RIN2: variants seen among roughly 807,000 people sequenced by gnomAD.
The protein encoded by RIN2 is RAB5 interacting protein 2.
Under a neutral mutation model 78.0 loss-of-function variants are expected in RIN2, and 36 were observed. The observed-to-expected ratio is 0.46, with a 90% CI of 0.35 to 0.61. The LOEUF is 0.61. RIN2 is among the 20% of genes least tolerant of loss of function. The pLI is 0.00. For synonymous variants in RIN2, 466 were observed against 466.8 expected, an observed-to-expected ratio of 1.00 and a Z score of 0.02; for missense variants, 1,087 against 1,159.7, an observed-to-expected ratio of 0.94 and a Z score of 0.91.
At chr20:19,898,409 A>G (rs1056787062) in intron 3 of RIN2, among the ~76,000 whole-genome samples, 3 of 152,234 alleles carry the variant, frequency 2.0e-5, no homozygotes, top group Non-Finnish European at 4.4e-5. Context: ...CTATTGTGTC[A>G]ATGTAAAATT....
intron 3 of RIN2, among the ~76,000 whole-genome samples, chr20:19,932,319 T>C (rs1166560872): frequency 1.3e-5 from 2 of 152,308 alleles, no homozygotes; most frequent in Admixed American, 6.5e-5. Context: ...TCTCGGACTT[T>C]CCAGCTTCCA....
At chr20:19,767,683 T>TG (rs201199536) in intron 1 of RIN2, among the ~76,000 whole-genome samples, 2 of 151,790 alleles carry the variant, frequency 1.3e-5, no homozygotes, top group African/African-American at 4.8e-5. Flanking sequence ...CAGGACTTTG[T>TG]GGGGGCTAAG....
rs2042244986 is a variant in RIN2 at position 19,975,345 on chromosome 20, C to T, written c.1320C>T (p.Asp440=). Residue 440 remains aspartate, a synonymous_variant, in exon 9 of 13, where the codon GAC becomes GAT. Transcript: ENST00000255006. This position sits in a 1 kb window ranked among gnomAD's most constrained non-coding sequence, Gnocchi z 4.9. ...TGAGCATTTCTACTTCCTCCTCCGACTCGCTGGAGTTCGACCGGAGCATGC... is the reference window on the plus strand; with the variant it reads ...TGAGCATTTCTACTTCCTCCTCCGATTCGCTGGAGTTCGACCGGAGCATGC... ...SDMSISTSSS[D]SLEFDRSMPL... 2 of 1,613,066 alleles carry T rather than the reference C, an allele frequency of 1.2e-6. No homozygotes were observed. The highest frequency in any genetic ancestry group is 1.1e-5 in the South Asian group (1 of 90,954).
chr20:19,835,439 C>A (rs1357589870), intron 2 of RIN2, among the ~76,000 whole-genome samples: 3 of 152,010 alleles, frequency 2.0e-5, no homozygotes, highest in Admixed American at 2.0e-4. Context: ...TTAAAGTCTT[C>A]AATAACAATC....
At chr20:19,758,686 G>GGTGTGCGTGC (rs2033490377) in intron 1 of RIN2, among the ~76,000 whole-genome samples, 3 of 152,226 alleles carry the variant, frequency 2.0e-5, no homozygotes, top group Admixed American at 1.3e-4. Flanking sequence ...CGGAGGTGCG[G>GGTGTGCGTGC]GTGTGCGTGC....
intron 1 of RIN2, among the ~76,000 whole-genome samples, chr20:19,794,016 G>A (rs1273771646): frequency 5.9e-5 from 9 of 152,162 alleles, no homozygotes; most frequent in African/African-American, 2.2e-4. Context: ...ATTGGTCACT[G>A]AATCTTTTCA....
intron 2 of RIN2, among the ~76,000 whole-genome samples, chr20:19,840,186 A>G (rs1332714262): frequency 6.6e-6 from 1 of 152,236 alleles, no homozygotes; most frequent in Non-Finnish European, 1.5e-5. Flanking sequence ...TTTCACAAAC[A>G]GAGAAACAGA....
At chr20:19,808,857 T>A (rs1356227107) in intron 2 of RIN2, among the ~76,000 whole-genome samples, 1 of 152,162 alleles carries the variant, frequency 6.6e-6, no homozygotes, top group Non-Finnish European at 1.5e-5. Flanking sequence ...TGCACTGTTA[T>A]GGTGGCCTTT....
At chr20:19,814,759 A>T (rs1349196102) in intron 2 of RIN2, among the ~76,000 whole-genome samples, 1 of 146,726 alleles carries the variant, frequency 6.8e-6, no homozygotes, top group Non-Finnish European at 1.5e-5. Flanking sequence ...TACCCAGCTA[A>T]TTTTTTTTTT....
At position 19,975,077 on chromosome 20, in the gene RIN2, C is replaced by A. The variant is rs369006734; in HGVS notation, c.1052C>A (p.Thr351Lys). Residue 351 changes from threonine to lysine, a missense_variant, in exon 9 of 13, where the codon ACG (threonine) becomes AAG (lysine). Thr to Lys is a moderately conservative substitution (Grantham distance 78, BLOSUM62 -1). Transcript: ENST00000255006. The surrounding 1 kb of genome is among the most constrained non-coding windows in gnomAD (Gnocchi z 4.9). Reference sequence around the variant, plus strand: ...CATGGGAACGTAGCTCTGCCTGGAACGAAACCAACTCCCATCCCTCCACCC... The same window carrying A: ...CATGGGAACGTAGCTCTGCCTGGAAAGAAACCAACTCCCATCCCTCCACCC... ...NKHGNVALPGTKPTPIPPPRL... is the reference protein window; with the variant it reads ...NKHGNVALPGKKPTPIPPPRL... The A allele has an allele frequency of 2.4e-5, 39 of 1,613,338 alleles. No individual in the cohort carries two copies. The South Asian group carries it at 4.0e-4, about 16-fold the overall frequency.
chr20:19,956,535 C>T, intron 4 of RIN2, 80 bp from the exon 5 acceptor site: 1 of 1,367,024 alleles, frequency 7.3e-7, no homozygotes, highest in South Asian at 1.2e-5. Context: ...CAAGCCTGGC[C>T]TATGAACTTG....
At chr20:19,954,629 G>C (rs1018185272) in intron 4 of RIN2, among the ~76,000 whole-genome samples, 2 of 152,162 alleles carry the variant, frequency 1.3e-5, no homozygotes, top group African/African-American at 4.8e-5. Context: ...GCTGCCAAGA[G>C]GAGTAAATGA....
At chr20:19,889,690 C>G (rs776021952) in intron 3 of RIN2, 32 bp downstream of exon 3, 4 of 1,428,978 alleles carry the variant, frequency 2.8e-6, no homozygotes, top group Non-Finnish European at 3.7e-6. Flanking sequence ...GATCTCAACT[C>G]GTCGGCTTGC....
At chr20:19,824,565 A>G (rs1434101380) in intron 2 of RIN2, among the ~76,000 whole-genome samples, 1 of 151,954 alleles carries the variant, frequency 6.6e-6, no homozygotes, top group Non-Finnish European at 1.5e-5. Flanking sequence ...TAGTAATTTC[A>G]TATCCTTTCT....
intron 3 of RIN2, among the ~76,000 whole-genome samples, chr20:19,922,492 A>T (rs1318992774): frequency 6.6e-6 from 1 of 152,158 alleles, no homozygotes; most frequent in Non-Finnish European, 1.5e-5. Context: ...AGCCCAAGAT[A>T]AAAAGGTCCA....
intron 6 of RIN2, among the ~76,000 whole-genome samples, chr20:19,961,222 C>T (rs1168058872): frequency 6.6e-6 from 1 of 152,170 alleles, no homozygotes; most frequent in Admixed American, 6.5e-5. Flanking sequence ...TGCACTTCTT[C>T]GTGAATAAAT....
intron 2 of RIN2, among the ~76,000 whole-genome samples, chr20:19,855,760 G>GA (rs942080273): frequency 1.3e-5 from 2 of 152,014 alleles, no homozygotes. Flanking sequence ...AGGCTTGGGG[G>GA]AAAAAAATCC....
At chr20:19,982,934 C>T (rs1002428955) in intron 9 of RIN2, among the ~76,000 whole-genome samples, 1 of 152,196 alleles carries the variant, frequency 6.6e-6, no homozygotes, top group African/African-American at 2.4e-5. Flanking sequence ...GGCTGAGATC[C>T]ACCTGCCAGT....
chr20:19,877,246 C>T (rs1568564465), intron 2 of RIN2, among the ~76,000 whole-genome samples: 1 of 148,298 alleles, frequency 6.7e-6, no homozygotes, highest in Admixed American at 6.9e-5. Context: ...TTCCTATTAT[C>T]TGCAGTAACT....
Sources: allele counts gnomAD v4.1 joint callset (sites outside exome capture counted in the v4.1 genomes callset), GRCh38; gene constraint gnomAD v4.1.1; non-coding constraint Gnocchi (gnomAD v3.1); transcripts MANE v1.5; gene names NCBI Gene and HGNC (gene_info 2026-07-23, HGNC 2026-07-21).